PLPP3: variants seen among roughly 807,000 people sequenced by gnomAD.
PLPP3 encodes the protein PAP2 beta.
Under a neutral mutation model 29.6 loss-of-function variants are expected in PLPP3, and 6 were observed. That is an observed-to-expected ratio of 0.20 (90% CI 0.11 to 0.40). PLPP3 has a LOEUF of 0.40. Among genes scored for constraint, PLPP3 ranks in the 10% least tolerant of loss-of-function variants. The probability of loss-of-function intolerance (pLI) is 1.00; values close to 1 mark genes in which losing one functional copy is unlikely to be tolerated. For missense variants in PLPP3, 308 were observed against 407.7 expected (o/e 0.76, Z 2.11); for synonymous variants, 152 against 159.7 (o/e 0.95, Z 0.36).
At chr1:56,541,284 G>C (rs1645967098) in intron 1 of PLPP3, among the ~76,000 whole-genome samples, 1 of 152,162 alleles carries the variant, frequency 6.6e-6, no homozygotes, top group African/African-American at 2.4e-5. Context: ...TCACAAAACT[G>C]ATGGCTATTA....
At chr1:56,510,890 CAG>C (rs1314210316) in intron 5 of PLPP3, among the ~76,000 whole-genome samples, 1 of 152,138 alleles carries the variant, frequency 6.6e-6, no homozygotes, top group Non-Finnish European at 1.5e-5. Flanking sequence ...AATTTCAATC[CAG>C]AGTGTTAAGT....
intron 1 of PLPP3, among the ~76,000 whole-genome samples, chr1:56,565,524 G>A (rs919866987): frequency 1.7e-4 from 26 of 151,990 alleles, no homozygotes; most frequent in African/African-American, 2.2e-4. Flanking sequence ...AGGCTCAAGC[G>A]ATTCTCCTGC....
intron 2 of PLPP3, among the ~76,000 whole-genome samples, chr1:56,528,612 C>T (rs1193241691): frequency 6.6e-6 from 1 of 151,982 alleles, no homozygotes; most frequent in Non-Finnish European, 1.5e-5. Flanking sequence ...ATATGTCAAT[C>T]GCCTGGCACC....
At chr1:56,548,649 G>A (rs930575734) in intron 1 of PLPP3, among the ~76,000 whole-genome samples, 2 of 152,074 alleles carry the variant, frequency 1.3e-5, no homozygotes, top group Non-Finnish European at 2.9e-5. Flanking sequence ...ATAAGATGTG[G>A]TCTCTGCCCC....
intron 2 of PLPP3, 83 bp downstream of exon 2, chr1:56,536,870 GTC>G: frequency 6.5e-7 from 1 of 1,535,456 alleles, no homozygotes; most frequent in Non-Finnish European, 8.9e-7. Context: ...CTTGGTATAA[GTC>G]TCTGTTGGCT....
At chr1:56,508,590 TAAG>T (rs1233149391) in intron 5 of PLPP3, among the ~76,000 whole-genome samples, 1 of 152,190 alleles carries the variant, frequency 6.6e-6, no homozygotes, top group African/African-American at 2.4e-5. Flanking sequence ...TAGTTGTGAG[TAAG>T]AAGAGAACTT....
intron 1 of PLPP3, among the ~76,000 whole-genome samples, chr1:56,564,962 T>C (rs1646151737): frequency 6.6e-6 from 1 of 152,248 alleles, no homozygotes; most frequent in Non-Finnish European, 1.5e-5. Flanking sequence ...GTGTGTGCAC[T>C]TGCTTCCAAG....
At chr1:56,577,329 C>T (rs1014317175) in intron 1 of PLPP3, among the ~76,000 whole-genome samples, 8 of 152,188 alleles carry the variant, frequency 5.3e-5, no homozygotes, top group Non-Finnish European at 1.0e-4. Flanking sequence ...AATTCCTTTA[C>T]ATAGCATCTT....
chr1:56,552,985 T>C (rs1646050784), intron 1 of PLPP3, among the ~76,000 whole-genome samples: 1 of 152,228 alleles, frequency 6.6e-6, no homozygotes, highest in East Asian at 1.9e-4. Context: ...TGAGCCTGTA[T>C]TAGAGAGAAG....
chr1:56,543,034 C>T (rs1313656194), intron 1 of PLPP3, among the ~76,000 whole-genome samples: 3 of 148,068 alleles, frequency 2.0e-5, no homozygotes, highest in African/African-American at 7.5e-5. Context: ...AAAAAAAGAA[C>T]TCTGTGATAA....
At chr1:56,574,726 C>T (rs928278382) in intron 1 of PLPP3, among the ~76,000 whole-genome samples, 1 of 152,194 alleles carries the variant, frequency 6.6e-6, no homozygotes, top group African/African-American at 2.4e-5. Flanking sequence ...CAGTGCTTAC[C>T]TCCCCTCCAG....
At chr1:56,550,346 A>C (rs1646029790) in intron 1 of PLPP3, among the ~76,000 whole-genome samples, 1 of 152,196 alleles carries the variant, frequency 6.6e-6, no homozygotes. Flanking sequence ...CTCTTTTGCC[A>C]GAACTCTCCA....
At chr1:56,553,626 C>T (rs115171857) in intron 1 of PLPP3, among the ~76,000 whole-genome samples, 3,817 of 152,236 alleles carry the variant, frequency 0.025, 58 homozygotes, top group South Asian at 0.094. Flanking sequence ...CTGGAGTTTC[C>T]CTACATAGAC....
At chr1:56,509,436 C>A (rs367995062) in intron 5 of PLPP3, among the ~76,000 whole-genome samples, 1 of 152,158 alleles carries the variant, frequency 6.6e-6, no homozygotes, top group Non-Finnish European at 1.5e-5. Flanking sequence ...CCATGAGAAT[C>A]GTGGTGCAGC....
At position 56,557,026 on chromosome 1, in the gene PLPP3, A is replaced by AAAGAAAGAGAG. The variant is rs1553139342; in HGVS notation, c.140-19915_140-19914insCTCTCTTTCTT. Reference sequence around the variant, plus strand: ...AGAAAGAAAGAGAGAGAGAGAGAGAAAGAGAGAGAGAGAGAGAGAGAGAGA... The same window carrying AAAGAAAGAGAG: ...AGAAAGAAAGAGAGAGAGAGAGAGAAAAGAAAGAGAGAGAGAGAGAGAGAGAGAGAGAGAGA... On this transcript the variant is annotated intron_variant, in intron 1 of 5. Transcript: ENST00000371250. 9.4e-4 allele frequency among the ~76,000 whole-genome samples: 9 copies of AAAGAAAGAGAG among 9,524 alleles called. 2 individuals are homozygous for AAAGAAAGAGAG. Among genetic ancestry groups the AAAGAAAGAGAG allele is most frequent in the South Asian group, 2.5e-3 (1 of 398 alleles). 6.2% of individuals were successfully genotyped at this position (9,524 alleles called of 152,430 possible). A position where few individuals can be genotyped will look rare whatever the true frequency, so the allele number is the denominator to read the frequency against.
chr1:56,524,241 G>A lies in PLPP3; in HGVS notation c.575+36C>T, dbSNP rs1298719873. On this transcript the variant is annotated intron_variant, in intron 3 of 5. Coordinates refer to ENST00000371250, the MANE Select transcript of PLPP3 (RefSeq NM_003713.5). This position sits in a 1 kb window ranked among gnomAD's most constrained non-coding sequence, Gnocchi z 4.3. ...TCACTGAACTGCACTGTATGAAAGG[G>A]GTCCAGGCTCTGGCCATGCGGAGGT... The A allele has an allele frequency of 6.2e-7, 1 of 1,609,824 alleles. No individual in the cohort carries two copies. Among genetic ancestry groups the A allele is most frequent in the Non-Finnish European group, 8.5e-7 (1 of 1,178,242 alleles).
At chr1:56,533,698 C>A (rs149776240) in intron 2 of PLPP3, among the ~76,000 whole-genome samples, 41 of 152,306 alleles carry the variant, frequency 2.7e-4, no homozygotes, top group Non-Finnish European at 4.3e-4. Flanking sequence ...TTATCACACA[C>A]ACAATATCAC....
chr1:56,576,264 T>C (rs1044207570), intron 1 of PLPP3, among the ~76,000 whole-genome samples: 3 of 152,148 alleles, frequency 2.0e-5, no homozygotes, highest in African/African-American at 7.2e-5. Context: ...AAACTGTCTC[T>C]CTTCTTAATA....
At chr1:56,504,448 CAGT>C (rs1273262288) in intron 5 of PLPP3, among the ~76,000 whole-genome samples, 1 of 152,082 alleles carries the variant, frequency 6.6e-6, no homozygotes, top group East Asian at 1.9e-4. Context: ...GTGCTAAATG[CAGT>C]AGGAGCTGGA....
Sources: allele counts gnomAD v4.1 joint callset (sites outside exome capture counted in the v4.1 genomes callset), GRCh38; gene constraint gnomAD v4.1.1; non-coding constraint Gnocchi (gnomAD v3.1); transcripts MANE v1.5; gene names NCBI Gene and HGNC (gene_info 2026-07-23, HGNC 2026-07-21).